The following CFAP92 variants were observed in gnomAD, a reference collection of about 807,000 sequenced individuals.
The protein encoded by CFAP92 is cilia and flagella associated protein 92 (putative).
Under a neutral mutation model 106.3 loss-of-function variants are expected in CFAP92, and 86 were observed. That is an observed-to-expected ratio of 0.81 (90% CI 0.68 to 0.97). The LOEUF (loss-of-function observed/expected upper bound fraction) is 0.97. Among genes scored for constraint, CFAP92 ranks in the 50% least tolerant of loss-of-function variants. The pLI is 0.00. For synonymous variants in CFAP92, 477 were observed against 506.4 expected (o/e 0.94, Z 0.78); for missense variants, 1,204 against 1,283.8 (o/e 0.94, Z 0.95).
At chr3:128,974,171 A>G (rs1162248904) in intron 7 of CFAP92, among the ~76,000 whole-genome samples, 1 of 152,218 alleles carries the variant, frequency 6.6e-6, no homozygotes, top group Non-Finnish European at 1.5e-5. Context: ...TGGCTCAAGC[A>G]GTCACTTCCC....
chr3:128,985,277 A>C (rs1267068146), intron 4 of CFAP92, among the ~76,000 whole-genome samples: 1 of 152,154 alleles, frequency 6.6e-6, no homozygotes, highest in Non-Finnish European at 1.5e-5. Context: ...TGGGTAACAC[A>C]GTAAGACTCA....
intron 1 of CFAP92, chr3:129,001,947 G>C: frequency 1.9e-6 from 3 of 1,543,858 alleles, no homozygotes; most frequent in Non-Finnish European, 2.6e-6. Context: ...GAACTCCAGA[G>C]ATGTGACCCC....
At chr3:128,920,902 G>A (rs1034806427) in intron 12 of CFAP92, among the ~76,000 whole-genome samples, 14 of 152,264 alleles carry the variant, frequency 9.2e-5, no homozygotes, top group Middle Eastern at 3.4e-3. Context: ...AGAAGAATAC[G>A]TTTCCCATTA....
At chr3:128,928,832 T>C (rs188221875) in intron 12 of CFAP92, among the ~76,000 whole-genome samples, 1 of 152,212 alleles carries the variant, frequency 6.6e-6, no homozygotes, top group Admixed American at 6.5e-5. Context: ...AATTTTCTTA[T>C]ACCATTAAGA....
chr3:128,912,734 T>G, intron 15 of CFAP92: 1 of 919,000 alleles, frequency 1.1e-6, no homozygotes, highest in Non-Finnish European at 1.8e-6. Context: ...CGTCTGCACC[T>G]GAAGGGTTGT....
chr3:128,999,401 T>C (rs1944602538), intron 1 of CFAP92, among the ~76,000 whole-genome samples: 1 of 151,994 alleles, frequency 6.6e-6, no homozygotes, highest in South Asian at 2.1e-4. Context: ...TTCTTTTCAA[T>C]ATTGACTGGC....
intron 1 of CFAP92, 163 bp from the exon 2 acceptor site, chr3:128,993,499 C>T: frequency 3.0e-6 from 2 of 659,826 alleles, no homozygotes; most frequent in South Asian, 1.9e-5. Context: ...ACAGTCGGTA[C>T]TCAATCGACT....
At chr3:129,009,457 G>A in the CFAP92 span, among the ~76,000 whole-genome samples, 1 of 152,186 alleles carries the variant, frequency 6.6e-6, no homozygotes, top group Non-Finnish European at 1.5e-5. Context: ...TCTGTCATCT[G>A]AACCATCCCA....
chr3:129,022,101 C>T, the CFAP92 span, among the ~76,000 whole-genome samples: 1 of 152,170 alleles, frequency 6.6e-6, no homozygotes, highest in African/African-American at 2.4e-5. Flanking sequence ...GCTTCAGATC[C>T]TCTAGGATCA....
chr3:128,917,884 G>A (rs1024349439), intron 12 of CFAP92, among the ~76,000 whole-genome samples: 2 of 152,174 alleles, frequency 1.3e-5, no homozygotes, highest in Admixed American at 1.3e-4. Context: ...CCCAAAAGGA[G>A]GGGAAAAGTG....
intron 12 of CFAP92, among the ~76,000 whole-genome samples, chr3:128,919,923 C>T (rs892687187): frequency 2.6e-5 from 4 of 152,178 alleles, no homozygotes; most frequent in African/African-American, 9.7e-5. Flanking sequence ...ATTTATCTGT[C>T]CTCTGTCTCC....
chr3:128,931,979 T>C (rs1043968853), intron 12 of CFAP92, among the ~76,000 whole-genome samples: 4 of 152,148 alleles, frequency 2.6e-5, no homozygotes, highest in Non-Finnish European at 5.9e-5. Context: ...GATCAAGTCA[T>C]AGTACTCTAG....
chr3:128,913,917 C>G (rs1029455147), intron 15 of CFAP92, among the ~76,000 whole-genome samples: 2 of 152,064 alleles, frequency 1.3e-5, no homozygotes, highest in African/African-American at 4.8e-5. Flanking sequence ...AGACCCACCC[C>G]CCTTCTGTGC....
chr3:128,910,348 G>A lies in CFAP92; in HGVS notation c.3281-15C>T, dbSNP rs554851854. On this transcript the variant is annotated splice_polypyrimidine_tract_variant and intron_variant, in intron 15 of 15. Transcript: ENST00000645291. ...CTTCTTCCTGACTGAGAGAAGAGGG[G>A]GTGAGTGACAGGGGTTCCTGATCCC... The A allele has an allele frequency of 3.2e-4, 469 of 1,469,650 alleles. 2 individuals are homozygous for A. Among genetic ancestry groups the A allele is most frequent in the South Asian group, 1.3e-3 (92 of 72,774 alleles). 91.0% of individuals were successfully genotyped at this position (1,469,650 alleles called of 1,614,324 possible).
chr3:128,962,051 A>G (rs1206907007), intron 9 of CFAP92, among the ~76,000 whole-genome samples: 1 of 152,168 alleles, frequency 6.6e-6, no homozygotes, highest in African/African-American at 2.4e-5. Flanking sequence ...GCCGTGTCCC[A>G]TCTGTGCGGG....
At chr3:128,956,374 G>T (rs1056717164) in intron 9 of CFAP92, among the ~76,000 whole-genome samples, 1 of 151,692 alleles carries the variant, frequency 6.6e-6, no homozygotes, top group Non-Finnish European at 1.5e-5. Flanking sequence ...AAGGAGAGGA[G>T]AAAAAAGGTG....
upstream of CFAP92, chr3:129,003,173 G>C: frequency 1.1e-6 from 1 of 950,094 alleles, no homozygotes. Flanking sequence ...TTCAGTGTCA[G>C]TGTGCATGGA....
At chr3:129,018,273 C>T in the CFAP92 span, among the ~76,000 whole-genome samples, 237 of 152,238 alleles carry the variant, frequency 1.6e-3, no homozygotes, top group African/African-American at 5.4e-3. Flanking sequence ...CAGTTAAATC[C>T]GGGGTTAGCA....
At chr3:128,944,300 C>T (rs1939981692) in intron 10 of CFAP92, among the ~76,000 whole-genome samples, 1 of 152,096 alleles carries the variant, frequency 6.6e-6, no homozygotes, top group Non-Finnish European at 1.5e-5. Context: ...CTTGTGTGGA[C>T]ATATGTTTTC....
Sources: gnomAD v4.1 joint callset for allele counts (sites outside exome capture counted in the v4.1 genomes callset) on GRCh38, gnomAD v4.1.1 for gene constraint, MANE v1.5 for transcripts, NCBI Gene and HGNC (gene_info 2026-07-23, HGNC 2026-07-21) for gene names.